Variants in CCDC73 observed in about 807,000 individuals in gnomAD.
CCDC73 encodes the protein coiled-coil domain containing 73, also known as coiled-coil domain-containing protein 73.
A neutral mutation model predicts 116.5 loss-of-function variants in CCDC73; 95 were observed. The ratio of observed to expected loss-of-function variants is 0.82; its 90% CI spans 0.69 to 0.97. CCDC73 has a LOEUF of 0.97. Ranked by LOEUF, CCDC73 falls within the 50% of genes least tolerant of loss-of-function variation. The pLI is 0.00. For missense variants in CCDC73, 1,066 were observed against 1,206.8 expected, an observed-to-expected ratio of 0.88 and a Z score of 1.73; for synonymous variants, 398 against 401.3, an observed-to-expected ratio of 0.99 and a Z score of 0.10.
chr11:32,643,992 A>C (rs1323359704), intron 12 of CCDC73, among the ~76,000 whole-genome samples: 1 of 152,016 alleles, frequency 6.6e-6, no homozygotes, highest in Non-Finnish European at 1.5e-5. Context: ...TCTATTTTTA[A>C]ATTTTTATAT....
At chr11:32,619,261 G>A (rs187364511) in intron 14 of CCDC73, among the ~76,000 whole-genome samples, 106 of 142,988 alleles carry the variant, frequency 7.4e-4, no homozygotes, top group African/African-American at 2.4e-3. Flanking sequence ...CCAGAATGGT[G>A]TTTGCTGAGT....
At chr11:32,786,003 C>A (rs1440523704) in intron 1 of CCDC73, among the ~76,000 whole-genome samples, 5 of 152,084 alleles carry the variant, frequency 3.3e-5, no homozygotes, top group Non-Finnish European at 5.9e-5. Context: ...AATGTAAATG[C>A]TTATATGTAT....
chr11:32,804,542 C>T, the CCDC73 span, among the ~76,000 whole-genome samples: 1 of 152,228 alleles, frequency 6.6e-6, no homozygotes, highest in African/African-American at 2.4e-5. Context: ...TCAGTTTTCA[C>T]GTTAATAGCC....
the CCDC73 span, among the ~76,000 whole-genome samples, chr11:32,802,751 C>G: frequency 2.0e-5 from 3 of 151,988 alleles, no homozygotes; most frequent in Non-Finnish European, 4.4e-5. Flanking sequence ...TTTTCTGAAA[C>G]TATTTACCAT....
At chr11:32,741,105 G>A (rs1182953610) in intron 2 of CCDC73, among the ~76,000 whole-genome samples, 1 of 152,130 alleles carries the variant, frequency 6.6e-6, no homozygotes, top group Non-Finnish European at 1.5e-5. Context: ...GTCTAACCTT[G>A]AGAATGATCC....
chr11:32,614,915 T>C lies in CCDC73; in HGVS notation c.1403A>G (p.Lys468Arg). 2 of 1,602,790 alleles carry C rather than the reference T, an allele frequency of 1.2e-6. No homozygotes were observed. Among genetic ancestry groups the C allele is most frequent in the Non-Finnish European group, 1.7e-6 (2 of 1,176,716 alleles). The change falls in exon 16 of 18, where the codon AAG becomes AGG. Residue 468 changes from lysine to arginine, a missense_variant. Coordinates refer to ENST00000335185, the MANE Select transcript of CCDC73 (RefSeq NM_001008391.4). The part of the protein sequence containing the change: ...DDLQLFEKSF[K>R]NEIDTVVSQD... ...AGAAACAACAGTATCAATTTCATTC[T>C]TGAAGCTTTTTTCAAAAAGCTGTAA...
At chr11:32,829,927 C>T in the CCDC73 span, 68 of 985,496 alleles carry the variant, frequency 6.9e-5, no homozygotes, top group Non-Finnish European at 8.1e-5. Context: ...TCCTCCCGTC[C>T]TCCGTCGGCC....
At chr11:32,709,579 A>G (rs1020626466) in intron 3 of CCDC73, among the ~76,000 whole-genome samples, 3 of 152,176 alleles carry the variant, frequency 2.0e-5, no homozygotes, top group Admixed American at 2.0e-4. Context: ...TACAGGTGTG[A>G]GCCACCATGC....
intron 6 of CCDC73, among the ~76,000 whole-genome samples, chr11:32,688,033 A>AT (rs1856219306): frequency 6.6e-6 from 1 of 152,190 alleles, no homozygotes; most frequent in African/African-American, 2.4e-5. Context: ...ACAGGAAACT[A>AT]TGAGTCTATA....
At chr11:32,786,748 A>T (rs1335548727) in intron 1 of CCDC73, among the ~76,000 whole-genome samples, 1 of 152,048 alleles carries the variant, frequency 6.6e-6, no homozygotes, top group Non-Finnish European at 1.5e-5. Flanking sequence ...AATACTCTAC[A>T]GTGGAAAGTA....
chr11:32,673,123 A>C (rs1439575117), intron 9 of CCDC73, among the ~76,000 whole-genome samples: 1 of 152,222 alleles, frequency 6.6e-6, no homozygotes, highest in Admixed American at 6.5e-5. Context: ...CTGAACAGAC[A>C]CTTTAACAAA....
chr11:32,791,819 A>G (rs1198895729), intron 1 of CCDC73, among the ~76,000 whole-genome samples: 2 of 152,152 alleles, frequency 1.3e-5, no homozygotes, highest in Non-Finnish European at 2.9e-5. Flanking sequence ...ATCAAAAAGT[A>G]TCCAGTTGCG....
the CCDC73 span, among the ~76,000 whole-genome samples, chr11:32,824,365 A>T: frequency 6.6e-6 from 1 of 152,342 alleles, no homozygotes; most frequent in African/African-American, 2.4e-5. Flanking sequence ...CAAATTATAT[A>T]AAAGCAAGTA....
intron 1 of CCDC73, among the ~76,000 whole-genome samples, chr11:32,784,158 C>T (rs892004978): frequency 1.3e-5 from 2 of 152,038 alleles, no homozygotes; most frequent in Admixed American, 6.6e-5. Context: ...GGAGAAACCC[C>T]GTCTCTACTA....
intron 2 of CCDC73, among the ~76,000 whole-genome samples, chr11:32,723,882 T>G (rs1434940769): frequency 6.6e-6 from 1 of 152,088 alleles, no homozygotes; most frequent in African/African-American, 2.4e-5. Flanking sequence ...ATAAGAATTT[T>G]TATAACTTTT....
the CCDC73 span, among the ~76,000 whole-genome samples, chr11:32,829,609 C>A: frequency 6.6e-6 from 1 of 152,226 alleles, no homozygotes; most frequent in African/African-American, 2.4e-5. Flanking sequence ...CCAGTGGGAC[C>A]CAAAGCGAAA....
intron 2 of CCDC73, among the ~76,000 whole-genome samples, chr11:32,729,808 A>C (rs933332061): frequency 6.6e-6 from 1 of 152,116 alleles, no homozygotes; most frequent in Non-Finnish European, 1.5e-5. Context: ...TTCTTTCAAC[A>C]GTGAAAAAAT....
intron 12 of CCDC73, among the ~76,000 whole-genome samples, chr11:32,651,222 C>A (rs1855823558): frequency 6.6e-6 from 1 of 152,170 alleles, no homozygotes; most frequent in Non-Finnish European, 1.5e-5. Flanking sequence ...CAAGGGACTG[C>A]AACTGCCAGG....
chr11:32,707,805 G>T (rs1849868374), intron 3 of CCDC73, among the ~76,000 whole-genome samples: 1 of 152,090 alleles, frequency 6.6e-6, no homozygotes, highest in African/African-American at 2.4e-5. Flanking sequence ...AGACAATTAA[G>T]AATTTTTCTG....
Sources: gnomAD v4.1 joint callset for allele counts (sites outside exome capture counted in the v4.1 genomes callset) on GRCh38, gnomAD v4.1.1 for gene constraint, MANE v1.5 for transcripts, NCBI Gene and HGNC (gene_info 2026-07-23, HGNC 2026-07-21) for gene names.